The following TOX variants were observed in gnomAD, a reference collection of about 807,000 sequenced individuals.
TOX encodes thymocyte selection-associated high mobility group box protein TOX.
TOX carries 11 observed loss-of-function variants against 53.7 expected under a neutral mutation model. The observed-to-expected ratio is 0.20, with a 90% CI of 0.13 to 0.34. The LOEUF is 0.34. Among genes scored for constraint, TOX ranks in the 10% least tolerant of loss-of-function variants. The pLI, the probability that TOX is intolerant of heterozygous loss-of-function variation, is 1.00. For synonymous variants in TOX, 225 were observed against 245.3 expected, an observed-to-expected ratio of 0.92 and a Z score of 0.77; for missense variants, 570 against 664.6, an observed-to-expected ratio of 0.86 and a Z score of 1.56.
chr8:59,054,784 A>G (rs868485614), intron 1 of TOX, among the ~76,000 whole-genome samples: 3 of 151,830 alleles, frequency 2.0e-5, no homozygotes, highest in Non-Finnish European at 4.4e-5. Context: ...TAAAGGAAGA[A>G]AAAGAAAGAG....
chr8:58,851,999 C>T lies in TOX; in HGVS notation c.412-194G>A, dbSNP rs538502259. On this transcript the variant is annotated intron_variant, in intron 3 of 8. Coordinates refer to ENST00000361421, the MANE Select transcript of TOX (RefSeq NM_014729.3). This position sits in a 1 kb window ranked among gnomAD's most constrained non-coding sequence, Gnocchi z 4.4. ...TATCACCATAAAGGATAGCATAAGA[C>T]TACCAAAAGACTGGAATTTGAGAAT... 6.6e-6 allele frequency among the ~76,000 whole-genome samples: 1 copy of T among 151,962 alleles called. No individual in the cohort carries two copies. Among genetic ancestry groups the T allele is most frequent in the South Asian group, 2.1e-4 (1 of 4,814 alleles).
intron 1 of TOX, among the ~76,000 whole-genome samples, chr8:59,039,632 AT>A (rs1296853695): frequency 2.6e-5 from 4 of 151,658 alleles, no homozygotes; most frequent in Non-Finnish European, 5.9e-5. Flanking sequence ...TCCATTGTCC[AT>A]TTTTTTCTCA....
At chr8:59,033,286 CCA>C (rs1814393626) in intron 1 of TOX, among the ~76,000 whole-genome samples, 1 of 152,198 alleles carries the variant, frequency 6.6e-6, no homozygotes, top group Non-Finnish European at 1.5e-5. Flanking sequence ...CATTCTATTG[CCA>C]GGCTGGTGCC....
chr8:58,967,215 C>T (rs1358035001), intron 1 of TOX, among the ~76,000 whole-genome samples: 3 of 152,168 alleles, frequency 2.0e-5, no homozygotes, highest in African/African-American at 7.2e-5. Context: ...ACTTAGTAAG[C>T]TCTACAAGTA....
At chr8:59,066,073 A>T (rs931842801) in intron 1 of TOX, among the ~76,000 whole-genome samples, 2 of 152,228 alleles carry the variant, frequency 1.3e-5, no homozygotes, top group African/African-American at 4.8e-5. Context: ...GAGCATTTAA[A>T]TGAGGGAGGA....
chr8:59,001,084 G>A (rs1017563591), intron 1 of TOX, among the ~76,000 whole-genome samples: 1 of 152,096 alleles, frequency 6.6e-6, no homozygotes, highest in Non-Finnish European at 1.5e-5. Flanking sequence ...AGAAATCTCT[G>A]TAATAGTCTC....
At chr8:59,050,808 C>T (rs527965552) in intron 1 of TOX, among the ~76,000 whole-genome samples, 1 of 152,218 alleles carries the variant, frequency 6.6e-6, no homozygotes, top group Admixed American at 6.5e-5. Flanking sequence ...TGTGAAATAT[C>T]TGTAAGAACA....
At chr8:58,859,177 T>C (rs1810965632) in intron 3 of TOX, among the ~76,000 whole-genome samples, 1 of 152,188 alleles carries the variant, frequency 6.6e-6, no homozygotes, top group Non-Finnish European at 1.5e-5. Flanking sequence ...ATTTTAAGAT[T>C]TTTGCTATTA....
chr8:59,076,237 G>A (rs1000804537), intron 1 of TOX, among the ~76,000 whole-genome samples: 1 of 152,162 alleles, frequency 6.6e-6, no homozygotes, highest in Non-Finnish European at 1.5e-5. Flanking sequence ...TGAAAGTCAC[G>A]CTGCAAGACA....
At position 58,872,908 on chromosome 8, in the gene TOX, C is replaced by A. The variant is rs575821432; in HGVS notation, c.412-21103G>T. The stretch of plus-strand genomic sequence containing the variant: ...CAATATTGATTCATTAATTGTGACA[C>A]ATATATCATACTAATGTAAGATGTT... On this transcript the variant is annotated intron_variant, in intron 3 of 8. Coordinates refer to ENST00000361421, the MANE Select transcript of TOX (RefSeq NM_014729.3). 6.6e-5 allele frequency among the ~76,000 whole-genome samples: 10 copies of A among 152,184 alleles called. 1 individual carries two copies. In the South Asian group the frequency reaches 2.1e-3, roughly 32 times the overall value.
chr8:58,815,422 G>A lies in TOX; in HGVS notation c.1308C>T (p.His436=), dbSNP rs1166367057. ...GGGGCTGCTGCATGGTGAGCGGCTG[G>A]TGCTGCTGCATGTTGAGATGCTGGT... ...PLHQHLNMQQ[H]QPLTMQQPLG... Residue 436 remains histidine (H), a synonymous_variant, in exon 7 of 9, where the codon CAC becomes CAT. Transcript: ENST00000361421. 1.9e-6 allele frequency: 3 copies of A among 1,613,976 alleles called. No individual in the cohort carries two copies. In the African/African-American group the frequency reaches 4.0e-5, roughly 22 times the overall value.
intron 5 of TOX, among the ~76,000 whole-genome samples, chr8:58,835,263 C>T (rs1257733957): frequency 6.6e-6 from 1 of 152,088 alleles, no homozygotes; most frequent in Non-Finnish European, 1.5e-5. Flanking sequence ...ATGAAACCTA[C>T]AAAAGAGAAA....
intron 1 of TOX, among the ~76,000 whole-genome samples, chr8:58,976,620 C>T (rs1473694419): frequency 6.6e-6 from 1 of 152,190 alleles, no homozygotes; most frequent in African/African-American, 2.4e-5. Context: ...CTTTACCTTT[C>T]CCAGGTCCAT....
intron 4 of TOX, among the ~76,000 whole-genome samples, chr8:58,849,481 T>A (rs1365220894): frequency 2.0e-5 from 3 of 152,172 alleles, no homozygotes; most frequent in Non-Finnish European, 1.5e-5. Flanking sequence ...CAAAGTTTCA[T>A]ATCAGCATGG....
chr8:58,885,078 C>T lies in TOX; in HGVS notation c.412-33273G>A, dbSNP rs1044744695. 2.6e-5 allele frequency among the ~76,000 whole-genome samples: 4 copies of T among 152,022 alleles called. No homozygotes were observed. The South Asian group carries it at 8.3e-4, about 32-fold the overall frequency. Reference sequence around the variant, plus strand: ...GGAGGAATAAGCTAAAAGGTTAAAACAGTATTAACCTTTTACAGAAGATAG... The same window carrying T: ...GGAGGAATAAGCTAAAAGGTTAAAATAGTATTAACCTTTTACAGAAGATAG... On this transcript the variant is annotated intron_variant, in intron 3 of 8. Coordinates refer to ENST00000361421, the MANE Select transcript of TOX (RefSeq NM_014729.3).
rs548067656 is a variant in TOX, at chr8:58,806,471, C to A, written c.*1276G>T. The A allele has an allele frequency of 2.0e-5, 3 of 152,096 alleles. No individual in the cohort carries two copies. The highest frequency in any genetic ancestry group is 4.8e-5 in the African/African-American group (2 of 41,396). 9.4% of individuals were successfully genotyped at this position (152,096 alleles called of 1,614,324 possible). A position where few individuals can be genotyped will look rare whatever the true frequency, so the allele number is the denominator to read the frequency against. ...GAATTGACTAGAACCAGCTGAGAAC[C>A]AAGAAGTAACCTTTTTAAGACAGAG... On this transcript the variant is annotated 3_prime_UTR_variant, in exon 9 of 9. Coordinates refer to ENST00000361421, the MANE Select transcript of TOX (RefSeq NM_014729.3).
At chr8:59,116,968 T>C (rs1805111580) in intron 1 of TOX, among the ~76,000 whole-genome samples, 1 of 152,250 alleles carries the variant, frequency 6.6e-6, no homozygotes. Flanking sequence ...ATTGAAGTAA[T>C]TCCTGATTTT....
intron 3 of TOX, among the ~76,000 whole-genome samples, chr8:58,872,264 C>A (rs1019117743): frequency 1.3e-5 from 2 of 152,022 alleles, no homozygotes; most frequent in South Asian, 4.2e-4. Context: ...AAAATAAATA[C>A]CCATGAGCAC....
At chr8:59,029,558 T>C (rs1563423459) in intron 1 of TOX, among the ~76,000 whole-genome samples, 1 of 152,290 alleles carries the variant, frequency 6.6e-6, no homozygotes, top group South Asian at 2.1e-4. Context: ...AAAAAGATAC[T>C]AATGTTTCCC....
Sources: gnomAD v4.1 joint callset for allele counts (sites outside exome capture counted in the v4.1 genomes callset) on GRCh38, gnomAD v4.1.1 for gene constraint, Gnocchi (gnomAD v3.1) non-coding constraint, MANE v1.5 for transcripts, NCBI Gene and HGNC (gene_info 2026-07-23, HGNC 2026-07-21) for gene names.